SYTL3: variants seen among roughly 807,000 people sequenced by gnomAD.
The protein encoded by SYTL3 is synaptotagmin-like protein 3.
Under a neutral mutation model 82.1 loss-of-function variants are expected in SYTL3, and 88 were observed. The ratio of observed to expected loss-of-function variants is 1.07; its 90% CI spans 0.90 to 1.28. SYTL3 has a LOEUF of 1.28. Ranked by LOEUF, SYTL3 falls within the 50% of genes most tolerant of loss-of-function variation. The pLI is 0.00. For synonymous variants in SYTL3, 311 were observed against 289.4 expected (o/e 1.07, Z -0.76); for missense variants, 831 against 757.6 (o/e 1.10, Z -1.14).
chr6:158,701,502 G>A (rs1781282474), intron 6 of SYTL3, among the ~76,000 whole-genome samples: 1 of 144,544 alleles, frequency 6.9e-6, no homozygotes. Context: ...CATGGGGAGA[G>A]GGTCATGGAG....
At position 158,661,565 on chromosome 6, in the gene SYTL3, A is replaced by G. The variant is rs189446135; in HGVS notation, c.-520+180A>G. Among the ~76,000 whole-genome samples, 719 of 152,338 alleles carry G rather than the reference A, an allele frequency of 4.7e-3. 4 individuals carry two copies. The highest frequency in any genetic ancestry group is 0.017 in the African/African-American group (688 of 41,578). ...CAGTTGGGATGAATAATATATTTTA[A>G]TTTTATTTTACAATAGGGAAACTGA... On this transcript the variant is annotated intron_variant, in intron 3 of 17. Coordinates refer to ENST00000611299, the MANE Select transcript of SYTL3 (RefSeq NM_001242394.2).
At chr6:158,755,862 G>A (rs147363865) in intron 13 of SYTL3, among the ~76,000 whole-genome samples, 22 of 152,288 alleles carry the variant, frequency 1.4e-4, no homozygotes, top group African/African-American at 4.3e-4. Flanking sequence ...AGCGAGACTC[G>A]GGCCTGGACA....
intron 6 of SYTL3, among the ~76,000 whole-genome samples, chr6:158,686,226 A>T (rs982843787): frequency 5.3e-5 from 8 of 152,226 alleles, no homozygotes; most frequent in Non-Finnish European, 1.0e-4. Context: ...TTCTTGCCTT[A>T]TAACTTTAAG....
At chr6:158,754,958 A>C (rs1047560398) in intron 13 of SYTL3, among the ~76,000 whole-genome samples, 1 of 152,192 alleles carries the variant, frequency 6.6e-6, no homozygotes, top group African/African-American at 2.4e-5. Flanking sequence ...AGCTGCCTGG[A>C]CTAACTGATA....
chr6:158,680,645 A>G (rs575425861), intron 5 of SYTL3, among the ~76,000 whole-genome samples: 39 of 151,612 alleles, frequency 2.6e-4, no homozygotes, highest in Non-Finnish European at 3.5e-4. Context: ...TCAGCTACTC[A>G]GGAGACTGAG....
At position 158,663,319 on chromosome 6, in the gene SYTL3, C is replaced by T. The variant is rs751820898; in HGVS notation, c.51C>T (p.Ala17=). The T allele has an allele frequency of 9.9e-6, 16 of 1,613,932 alleles. No individual in the cohort carries two copies. The Admixed American group carries it at 1.3e-4, about 13-fold the overall frequency. Residue 17 remains alanine (A), a synonymous_variant, in exon 4 of 18, where the codon GCC becomes GCT. Transcript: ENST00000611299. ...CTCTCAAGGAGTTAGAACGCGAGGC[C>T]ATTCTCCAGGTCCTGTACCGAGACC... ...LSALKELERE[A]ILQVLYRDQA...
At chr6:158,675,123 C>T (rs141842583) in intron 5 of SYTL3, among the ~76,000 whole-genome samples, 24 of 152,310 alleles carry the variant, frequency 1.6e-4, no homozygotes, top group African/African-American at 5.3e-4. Flanking sequence ...TACAAGGCTA[C>T]ACCTATTTTG....
At chr6:158,701,118 T>C (rs573371991) in intron 6 of SYTL3, among the ~76,000 whole-genome samples, 17 of 145,970 alleles carry the variant, frequency 1.2e-4, no homozygotes, top group African/African-American at 4.4e-4. Flanking sequence ...ATGGAATCCC[T>C]GTGAATGAAC....
intron 11 of SYTL3, among the ~76,000 whole-genome samples, chr6:158,729,880 A>G (rs1437344308): frequency 1.9e-5 from 2 of 107,386 alleles, no homozygotes; most frequent in East Asian, 2.0e-4. Flanking sequence ...TTTTTTTTTT[A>G]AAGTTTCCTT....
chr6:158,763,302 A>G lies in SYTL3; in HGVS notation c.1518-2A>G, dbSNP rs776969135. The G allele has an allele frequency of 1.9e-6, 3 of 1,614,112 alleles. No homozygotes were observed. Among genetic ancestry groups the G allele is most frequent in the Admixed American group, 3.3e-5 (2 of 60,022 alleles). ...ATTGCAGGGTTTGTGTTCCCTCTTC[A>G]GCTGTCTCACTCTGCCAGACCAACA... On this transcript the variant is annotated splice_acceptor_variant, in intron 16 of 17. Coordinates refer to ENST00000611299, the MANE Select transcript of SYTL3 (RefSeq NM_001242394.2). LOFTEE classifies it high-confidence loss of function.
At chr6:158,690,063 G>A (rs917909514) in intron 6 of SYTL3, among the ~76,000 whole-genome samples, 3 of 152,170 alleles carry the variant, frequency 2.0e-5, no homozygotes, top group Admixed American at 2.0e-4. Context: ...GTAACCCAGG[G>A]CCACTGATTG....
At chr6:158,646,702 C>T (rs1222871737), upstream of SYTL3, among the ~76,000 whole-genome samples, 1 of 152,224 alleles carries the variant, frequency 6.6e-6, no homozygotes, top group Non-Finnish European at 1.5e-5. Flanking sequence ...TGGTCTTCCT[C>T]TCCTTGGATT....
intron 6 of SYTL3, among the ~76,000 whole-genome samples, chr6:158,690,963 G>A (rs1032024510): frequency 2.0e-5 from 3 of 152,072 alleles, no homozygotes; most frequent in Admixed American, 6.6e-5. Flanking sequence ...CTGGACCCAC[G>A]CTCCAGGATC....
intron 11 of SYTL3, among the ~76,000 whole-genome samples, chr6:158,735,459 A>G (rs541755389): frequency 2.0e-5 from 3 of 152,286 alleles, no homozygotes; most frequent in Non-Finnish European, 2.9e-5. Context: ...AAAATTTATA[A>G]TCATGTTACT....
chr6:158,722,938 G>C (rs961254758), intron 10 of SYTL3, among the ~76,000 whole-genome samples: 2 of 150,468 alleles, frequency 1.3e-5, no homozygotes, highest in African/African-American at 4.9e-5. Flanking sequence ...GCTAATTTTT[G>C]TATTTTTAGT....
chr6:158,710,257 G>T (rs1782607806), intron 8 of SYTL3, among the ~76,000 whole-genome samples: 2 of 152,158 alleles, frequency 1.3e-5, no homozygotes, highest in South Asian at 4.1e-4. Context: ...GGTATTGTGT[G>T]CATCCAGCTT....
intron 17 of SYTL3, 93 bp downstream of exon 17, chr6:158,763,602 T>TA (rs1252535230): frequency 1.7e-6 from 2 of 1,143,692 alleles, no homozygotes; most frequent in African/African-American, 3.1e-5. Flanking sequence ...GGCAGTGACT[T>TA]AACTGGTTTT....
chr6:158,736,743 G>A (rs1026091235), intron 11 of SYTL3, among the ~76,000 whole-genome samples: 1 of 148,694 alleles, frequency 6.7e-6, no homozygotes, highest in African/African-American at 2.5e-5. Flanking sequence ...AGCTGAGATC[G>A]TGCCATTGTA....
At chr6:158,736,897 G>C (rs1353911967) in intron 11 of SYTL3, among the ~76,000 whole-genome samples, 1 of 151,984 alleles carries the variant, frequency 6.6e-6, no homozygotes, top group Non-Finnish European at 1.5e-5. Flanking sequence ...GAGGGGATTT[G>C]ATAAGGGAGG....
Sources: allele counts gnomAD v4.1 joint callset (sites outside exome capture counted in the v4.1 genomes callset), GRCh38; gene constraint gnomAD v4.1.1; transcripts MANE v1.5; gene names NCBI Gene and HGNC (gene_info 2026-07-23, HGNC 2026-07-21).